Variants in CSNK1G1 observed in about 807,000 individuals in gnomAD.
CSNK1G1 encodes casein kinase I isoform gamma-1.
In CSNK1G1, 22 loss-of-function variants were observed where a neutral mutation model predicts 59.6. The observed-to-expected ratio is 0.37, with a 90% confidence interval of 0.26 to 0.53. The LOEUF (loss-of-function observed/expected upper bound fraction) is 0.53, where lower values mean the gene tolerates loss of function less well. Ranked by LOEUF, CSNK1G1 falls within the 20% of genes least tolerant of loss-of-function variation. The pLI, the probability that CSNK1G1 is intolerant of heterozygous loss-of-function variation, is 0.89. For synonymous variants in CSNK1G1, 179 were observed against 177.1 expected, an observed-to-expected ratio of 1.01 and a Z score of -0.08; for missense variants, 384 against 519.5, an observed-to-expected ratio of 0.74 and a Z score of 2.54.
chr15:64,333,683 T>A (rs1897237941), intron 1 of CSNK1G1, among the ~76,000 whole-genome samples: 2 of 152,094 alleles, frequency 1.3e-5, no homozygotes, highest in South Asian at 4.2e-4. Flanking sequence ...GTATTTGCTG[T>A]CTTCAAGAGG....
rs529698143 is a variant in CSNK1G1, at chr15:64,183,778, C to T, written c.1108-3324G>A. Among the ~76,000 whole-genome samples, 200 of 150,932 alleles carry T rather than the reference C, an allele frequency of 1.3e-3. 2 individuals are homozygous for T. The highest frequency in any genetic ancestry group is 1.5e-3 in the South Asian group (7 of 4,750). On this transcript the variant is annotated intron_variant, in intron 10 of 11. Coordinates refer to ENST00000303052, the MANE Select transcript of CSNK1G1 (RefSeq NM_022048.5). ...GGAGATGGAATCTCGCTCTGTTGCC[C>T]AGGCTGCAGTGCAGTGGCGTGATCT...
At chr15:64,280,247 T>C (rs1383922104) in intron 2 of CSNK1G1, among the ~76,000 whole-genome samples, 2 of 152,146 alleles carry the variant, frequency 1.3e-5, no homozygotes, top group African/African-American at 2.4e-5. Flanking sequence ...ACTTTGCATT[T>C]CACCAAGCAG....
At chr15:64,225,442 A>C (rs1478390962) in intron 4 of CSNK1G1, among the ~76,000 whole-genome samples, 3 of 152,104 alleles carry the variant, frequency 2.0e-5, no homozygotes, top group Non-Finnish European at 2.9e-5. Context: ...GTTTTGGTCC[A>C]TTCTGGGACC....
chr15:64,170,588 T>C lies in CSNK1G1; in HGVS notation c.*1343A>G, dbSNP rs1044429263. 1 of 152,634 alleles carries C rather than the reference T, an allele frequency of 6.6e-6. No homozygotes were observed. Among genetic ancestry groups the C allele is most frequent in the African/African-American group, 2.4e-5 (1 of 41,434 alleles). 9.5% of individuals were successfully genotyped at this position (152,634 alleles called of 1,614,324 possible). A position where few individuals can be genotyped will look rare whatever the true frequency, so the allele number is the denominator to read the frequency against. The stretch of plus-strand genomic sequence containing the variant: ...ATAGGATACACCGATTTTCTTTTCC[T>C]GGCCCTATAATGCCACACCCTGAGG... On this transcript the variant is annotated 3_prime_UTR_variant, in exon 12 of 12. Transcript: ENST00000303052.
At chr15:64,314,048 T>G (rs1417895198) in intron 1 of CSNK1G1, among the ~76,000 whole-genome samples, 1 of 152,156 alleles carries the variant, frequency 6.6e-6, no homozygotes, top group Non-Finnish European at 1.5e-5. Context: ...ATCGGGACGA[T>G]GCTACATATC....
chr15:64,257,865 G>T (rs1477568723), intron 3 of CSNK1G1, among the ~76,000 whole-genome samples: 1 of 152,160 alleles, frequency 6.6e-6, no homozygotes, highest in Non-Finnish European at 1.5e-5. Context: ...TATTTGACCT[G>T]CATTGTTACA....
At chr15:64,181,337 T>C (rs1455699621) in intron 10 of CSNK1G1, 1 of 1,536,118 alleles carries the variant, frequency 6.5e-7, no homozygotes. Context: ...CCTGGTTTCA[T>C]TTCCAGCACA....
chr15:64,348,128 A>C (rs763686516), intron 1 of CSNK1G1, among the ~76,000 whole-genome samples: 7 of 152,182 alleles, frequency 4.6e-5, no homozygotes, highest in Admixed American at 1.3e-4. Flanking sequence ...GCAATACTAT[A>C]GAGACAGTAA....
At chr15:64,178,271 A>G (rs2081764886) in intron 11 of CSNK1G1, among the ~76,000 whole-genome samples, 1 of 152,068 alleles carries the variant, frequency 6.6e-6, no homozygotes, top group Non-Finnish European at 1.5e-5. Context: ...TGAGAATAGG[A>G]GCATGTTTCC....
At chr15:64,222,218 T>C (rs1424313565) in intron 4 of CSNK1G1, among the ~76,000 whole-genome samples, 3 of 142,634 alleles carry the variant, frequency 2.1e-5, no homozygotes, top group Admixed American at 7.2e-5. Flanking sequence ...TAAGTGGGAG[T>C]TGAACATTGA....
rs564870902 is a variant in CSNK1G1, at chr15:64,210,792, C to T, written c.679+3098G>A. 1.1e-4 allele frequency among the ~76,000 whole-genome samples: 16 copies of T among 152,274 alleles called. No individual in the cohort carries two copies. In the South Asian group the frequency reaches 2.7e-3, roughly 26 times the overall value. On this transcript the variant is annotated intron_variant, in intron 6 of 11. Coordinates refer to ENST00000303052, the MANE Select transcript of CSNK1G1 (RefSeq NM_022048.5). The surrounding 1 kb of genome is among the most constrained non-coding windows in gnomAD (Gnocchi z 4.2). ...GACCCCCCAACACACACAAACCTCA[C>T]GTTGAAATTTGATCCCAATGTTCGA... is the stretch of plus-strand genomic sequence containing the variant.
At chr15:64,262,848 G>T (rs2140335504) in intron 2 of CSNK1G1, among the ~76,000 whole-genome samples, 1 of 152,220 alleles carries the variant, frequency 6.6e-6, no homozygotes, top group South Asian at 2.1e-4. Flanking sequence ...GGAGACCAAG[G>T]TGGGTGGATC....
intron 1 of CSNK1G1, among the ~76,000 whole-genome samples, chr15:64,305,307 T>G (rs776908839): frequency 1.3e-5 from 2 of 152,132 alleles, no homozygotes; most frequent in Non-Finnish European, 2.9e-5. Context: ...TGTGCTCCAG[T>G]GCACACATGA....
At chr15:64,321,749 C>G (rs1049712401) in intron 1 of CSNK1G1, among the ~76,000 whole-genome samples, 1 of 152,104 alleles carries the variant, frequency 6.6e-6, no homozygotes, top group African/African-American at 2.4e-5. Flanking sequence ...CACCTAACAC[C>G]AGTATTAATA....
At chr15:64,327,421 C>T (rs1483236500) in intron 1 of CSNK1G1, among the ~76,000 whole-genome samples, 1 of 151,136 alleles carries the variant, frequency 6.6e-6, no homozygotes, top group East Asian at 1.9e-4. Context: ...CACACTGACA[C>T]CTCACACTGC....
chr15:64,308,758 G>T (rs187934159), intron 1 of CSNK1G1, among the ~76,000 whole-genome samples: 1 of 152,014 alleles, frequency 6.6e-6, no homozygotes, highest in Non-Finnish European at 1.5e-5. Flanking sequence ...TTAGCCGGTC[G>T]TGGTGACAGG....
At chr15:64,280,591 A>C (rs1293518144) in intron 2 of CSNK1G1, among the ~76,000 whole-genome samples, 1 of 151,886 alleles carries the variant, frequency 6.6e-6, no homozygotes, top group Non-Finnish European at 1.5e-5. Flanking sequence ...CAATCTCCTG[A>C]CCTCATGATC....
Position 64,319,547 on chromosome 15 carries a change from T to A in CSNK1G1, c.-224-18824A>T, listed in dbSNP as rs1896448696. Among the ~76,000 whole-genome samples the A allele has an allele frequency of 2.0e-5, 3 of 152,240 alleles. No homozygotes were observed. The South Asian group carries it at 6.2e-4, about 32-fold the overall frequency. ...ATAAGCTTATTTCAGTTCGTTGAAT[T>A]TGTTTTGTTTTGTTTTGAGATGGAG... On this transcript the variant is annotated intron_variant, in intron 1 of 11. Coordinates refer to ENST00000303052, the MANE Select transcript of CSNK1G1 (RefSeq NM_022048.5).
At chr15:64,274,872 G>A (rs1893520930) in intron 2 of CSNK1G1, among the ~76,000 whole-genome samples, 1 of 152,148 alleles carries the variant, frequency 6.6e-6, no homozygotes, top group African/African-American at 2.4e-5. Flanking sequence ...GCCCTTCAGT[G>A]AAAATAGTAC....
Sources: gnomAD v4.1 joint callset for allele counts (sites outside exome capture counted in the v4.1 genomes callset) on GRCh38, gnomAD v4.1.1 for gene constraint, Gnocchi (gnomAD v3.1) non-coding constraint, MANE v1.5 for transcripts, NCBI Gene and HGNC (gene_info 2026-07-23, HGNC 2026-07-21) for gene names.